Variants in COG5 observed in about 807,000 individuals in gnomAD.
COG5 encodes the protein component of oligomeric golgi complex 5.
In COG5, 86 loss-of-function variants were observed where a neutral mutation model predicts 110.4. The observed-to-expected ratio is 0.78, with a 90% confidence interval of 0.65 to 0.93. The LOEUF is 0.93. Ranked by LOEUF, COG5 falls within the 40% of genes least tolerant of loss-of-function variation. The probability of loss-of-function intolerance (pLI) is 0.00; values close to 1 mark genes in which losing one functional copy is unlikely to be tolerated. For synonymous variants in COG5, 360 were observed against 334.6 expected (o/e 1.08, Z -0.83); for missense variants, 1,077 against 987.0 (o/e 1.09, Z -1.22).
chr7:107,414,702 C>CTTT lies in COG5; in HGVS notation c.539-2071_539-2070insAAA, dbSNP rs1563019968. Among the ~76,000 whole-genome samples, 6 of 100,722 alleles carry CTTT rather than the reference C, an allele frequency of 6.0e-5. No homozygotes were observed. The East Asian group carries it at 1.5e-3, about 25-fold the overall frequency. 66.1% of individuals were successfully genotyped at this position (100,722 alleles called of 152,430 possible). ...TATTGATTCCAAAATCCTCACTGTC[C>CTTT]CTTTTTTTTTTTTTTTTTTTTTTTT... On this transcript the variant is annotated intron_variant, in intron 6 of 21. Coordinates refer to ENST00000297135, the MANE Select transcript of COG5 (RefSeq NM_006348.5).
chr7:107,408,840 G>T (rs1354214587), intron 7 of COG5, among the ~76,000 whole-genome samples: 1 of 152,176 alleles, frequency 6.6e-6, no homozygotes, highest in Admixed American at 6.6e-5. Context: ...TGACATGGAG[G>T]TAGCAATATG....
intron 7 of COG5, among the ~76,000 whole-genome samples, chr7:107,389,783 A>G (rs1790482373): frequency 6.6e-6 from 1 of 152,192 alleles, no homozygotes; most frequent in African/African-American, 2.4e-5. Flanking sequence ...TCAGACCCCA[A>G]GTAAAGTCCA....
intron 6 of COG5, among the ~76,000 whole-genome samples, chr7:107,468,577 G>A (rs952427677): frequency 1.8e-4 from 27 of 152,076 alleles, no homozygotes; most frequent in Non-Finnish European, 4.4e-5. Context: ...CCAAAGCTGT[G>A]CAGAAGATTT....
intron 7 of COG5, among the ~76,000 whole-genome samples, chr7:107,397,072 C>G (rs1226566417): frequency 6.6e-6 from 1 of 152,158 alleles, no homozygotes; most frequent in Non-Finnish European, 1.5e-5. Flanking sequence ...GATAAGTAGC[C>G]TGAGCCGATG....
intron 7 of COG5, among the ~76,000 whole-genome samples, chr7:107,377,191 A>G (rs1225337261): frequency 6.6e-6 from 1 of 152,120 alleles, no homozygotes; most frequent in East Asian, 1.9e-4. Flanking sequence ...AGTGAAGCTG[A>G]TTGGCCTTGG....
chr7:107,355,066 A>G (rs1170912781), intron 10 of COG5, among the ~76,000 whole-genome samples: 3 of 152,284 alleles, frequency 2.0e-5, no homozygotes, highest in African/African-American at 7.2e-5. Context: ...ACTATAAAAT[A>G]TAACACATAA....
chr7:107,437,801 C>A (rs1794457884), intron 6 of COG5, among the ~76,000 whole-genome samples: 1 of 152,046 alleles, frequency 6.6e-6, no homozygotes, highest in African/African-American at 2.4e-5. Context: ...CATTACAGTA[C>A]CTGCAAATTT....
At chr7:107,257,460 AAGTG>A (rs1259119164) in intron 15 of COG5, among the ~76,000 whole-genome samples, 3 of 152,136 alleles carry the variant, frequency 2.0e-5, no homozygotes, top group African/African-American at 7.2e-5. Flanking sequence ...ATCTTTAAAT[AAGTG>A]AGTAATAGTC....
chr7:107,447,005 A>T (rs1172511179), intron 6 of COG5, among the ~76,000 whole-genome samples: 1 of 152,204 alleles, frequency 6.6e-6, no homozygotes, highest in Non-Finnish European at 1.5e-5. Flanking sequence ...AAATCAAGGT[A>T]TTGGCTGTCT....
At chr7:107,237,504 C>T (rs979792754) in intron 17 of COG5, among the ~76,000 whole-genome samples, 7 of 152,014 alleles carry the variant, frequency 4.6e-5, no homozygotes, top group East Asian at 1.9e-4. Flanking sequence ...CTGAGAATGA[C>T]GTAGAGAAAT....
chr7:107,465,565 C>G (rs998651618), intron 6 of COG5, among the ~76,000 whole-genome samples: 1 of 152,150 alleles, frequency 6.6e-6, no homozygotes, highest in African/African-American at 2.4e-5. Flanking sequence ...ATCAAAATAA[C>G]AGCAGGACTT....
At chr7:107,209,185 A>G (rs1212003197) in intron 21 of COG5, 1 of 985,364 alleles carries the variant, frequency 1.0e-6, no homozygotes, top group Non-Finnish European at 1.2e-6. Flanking sequence ...CCAGACCAAC[A>G]GAATTGGGAT....
intron 7 of COG5, among the ~76,000 whole-genome samples, chr7:107,383,216 C>A (rs1047841413): frequency 6.6e-6 from 1 of 152,162 alleles, no homozygotes; most frequent in Non-Finnish European, 1.5e-5. Flanking sequence ...CACAGTTTCA[C>A]CTTAGCATTC....
At chr7:107,270,688 C>T (rs527520202) in intron 14 of COG5, among the ~76,000 whole-genome samples, 1 of 152,152 alleles carries the variant, frequency 6.6e-6, no homozygotes, top group South Asian at 2.1e-4. Context: ...AAAATATATA[C>T]TACATTTAGT....
chr7:107,550,894 T>TG (rs1015100220), intron 3 of COG5, among the ~76,000 whole-genome samples: 3 of 151,086 alleles, frequency 2.0e-5, no homozygotes, highest in Admixed American at 6.6e-5. Context: ...GTACTTTGTT[T>TG]TTTTTTTTTT....
chr7:107,355,281 G>C (rs1812522561), intron 10 of COG5, among the ~76,000 whole-genome samples: 2 of 152,168 alleles, frequency 1.3e-5, no homozygotes, highest in African/African-American at 4.8e-5. Flanking sequence ...TGGCAAGGAT[G>C]GGGAACAAAA....
rs1011398658 is a variant in COG5 at position 107,201,492 on chromosome 7, C to CT, written c.*2023dup. 2.8e-6 allele frequency: 3 copies of CT among 1,061,336 alleles called. No homozygotes were observed. In the African/African-American group the frequency reaches 4.7e-5, roughly 17 times the overall value. 65.7% of individuals were successfully genotyped at this position (1,061,336 alleles called of 1,614,324 possible). On this transcript the variant is annotated 3_prime_UTR_variant, in exon 22 of 22. Coordinates refer to ENST00000297135, the MANE Select transcript of COG5 (RefSeq NM_006348.5). ...TATACATTGACTCTTGATGGAAAGA[C>CT]TTAAGAAGATCAAGGTCTCACCATT...
chr7:107,500,291 C>A (rs544837051), intron 6 of COG5, among the ~76,000 whole-genome samples: 4 of 152,254 alleles, frequency 2.6e-5, no homozygotes, highest in South Asian at 2.1e-4. Flanking sequence ...CCTCAAGAAG[C>A]GACTCTGGAT....
intron 10 of COG5, among the ~76,000 whole-genome samples, chr7:107,334,927 T>C (rs1277748555): frequency 6.6e-6 from 1 of 152,182 alleles, no homozygotes; most frequent in Non-Finnish European, 1.5e-5. Flanking sequence ...GCATGACACA[T>C]CTATGAAAAA....
Sources: allele counts gnomAD v4.1 joint callset (sites outside exome capture counted in the v4.1 genomes callset), GRCh38; gene constraint gnomAD v4.1.1; transcripts MANE v1.5; gene names NCBI Gene and HGNC (gene_info 2026-07-23, HGNC 2026-07-21).